The following PTPRR variants were observed in gnomAD, a reference collection of about 807,000 sequenced individuals.
PTPRR encodes the protein receptor-type tyrosine-protein phosphatase R.
In PTPRR, 38 loss-of-function variants were observed where a neutral mutation model predicts 77.2. The observed-to-expected ratio is 0.49, with a 90% confidence interval of 0.38 to 0.65. The LOEUF (loss-of-function observed/expected upper bound fraction) is 0.65, where lower values mean the gene tolerates loss of function less well. Ranked by LOEUF, PTPRR falls within the 30% of genes least tolerant of loss-of-function variation. PTPRR has a pLI of 0.00. For synonymous variants in PTPRR, 299 were observed against 283.1 expected, an observed-to-expected ratio of 1.06 and a Z score of -0.57; for missense variants, 744 against 799.2, an observed-to-expected ratio of 0.93 and a Z score of 0.83.
At chr12:70,733,483 A>G (rs1447710094) in intron 6 of PTPRR, among the ~76,000 whole-genome samples, 2 of 62,592 alleles carry the variant, frequency 3.2e-5, no homozygotes, top group African/African-American at 1.7e-4. Flanking sequence ...AAAAAAAAAG[A>G]AAAAAAAAGA....
chr12:70,906,230 C>T (rs925902442), intron 1 of PTPRR, among the ~76,000 whole-genome samples: 2 of 151,896 alleles, frequency 1.3e-5, no homozygotes, highest in African/African-American at 4.8e-5. Flanking sequence ...GTCTTCTCAT[C>T]AGAAAATGTA....
chr12:70,920,386 C>T lies in PTPRR; in HGVS notation c.5G>A (p.Arg2Gln), dbSNP rs764757404. ...CAGCGCAGGGAAGCAGACTGCTCTC[C>T]GCATAGTGTTTGCATTGAGAGGTGG... The part of the protein sequence containing the change: M[R>Q]RAVCFPALCL... The change falls in exon 1 of 14, where the codon CGG becomes CAG. Residue 2 changes from arginine to glutamine, a missense_variant. This residue lies in a region of PTPRR where 570 missense variants were observed against 573.2 expected (regional missense o/e 0.99). Transcript: ENST00000283228. The T allele has an allele frequency of 4.3e-6, 7 of 1,613,144 alleles. No homozygotes were observed. The highest frequency in any genetic ancestry group is 3.3e-5 in the Admixed American group (2 of 59,996).
At position 70,866,459 on chromosome 12, in the gene PTPRR, A is replaced by G. The variant is rs1449823887; in HGVS notation, c.357+26220T>C. ...GAAATGGATAAATTCCTCGACACAT[A>G]CACCCTCCCAAGACTAAACCAGGAA... On this transcript the variant is annotated intron_variant, in intron 2 of 13. Transcript: ENST00000283228. 2.0e-5 allele frequency among the ~76,000 whole-genome samples: 3 copies of G among 152,162 alleles called. No homozygotes were observed. The East Asian group carries it at 5.8e-4, about 29-fold the overall frequency.
At chr12:70,650,300 G>T (rs943732627) in intron 13 of PTPRR, among the ~76,000 whole-genome samples, 4 of 151,930 alleles carry the variant, frequency 2.6e-5, no homozygotes, top group East Asian at 1.9e-4. Context: ...AAAATTAGCC[G>T]GGAGTAATCC....
chr12:70,701,429 T>C, intron 6 of PTPRR, 106 bp from the exon 7 acceptor site: 2 of 960,400 alleles, frequency 2.1e-6, no homozygotes, highest in Admixed American at 5.0e-5. Context: ...TTTACAGAAA[T>C]AACAACCAAC....
chr12:70,883,245 G>A (rs1170297388), intron 2 of PTPRR, among the ~76,000 whole-genome samples: 3 of 151,994 alleles, frequency 2.0e-5, no homozygotes, highest in Non-Finnish European at 4.4e-5. Flanking sequence ...TGGGTGACAA[G>A]AACAAAACTC....
intron 2 of PTPRR, among the ~76,000 whole-genome samples, chr12:70,848,155 C>A (rs1463870423): frequency 1.3e-5 from 2 of 152,098 alleles, no homozygotes; most frequent in Non-Finnish European, 2.9e-5. Flanking sequence ...TCAGTACAGG[C>A]CTAAACGAAC....
intron 2 of PTPRR, among the ~76,000 whole-genome samples, chr12:70,868,632 T>A (rs530363105): frequency 9.2e-5 from 14 of 152,222 alleles, no homozygotes; most frequent in African/African-American, 2.9e-4. Flanking sequence ...AGTGTGGCGA[T>A]TCCTCAGGGA....
intron 8 of PTPRR, among the ~76,000 whole-genome samples, chr12:70,691,957 C>G (rs1276886546): frequency 3.3e-5 from 5 of 152,110 alleles, no homozygotes; most frequent in Admixed American, 3.3e-4. Context: ...TCCCAATTGC[C>G]CATAGCAGTA....
intron 2 of PTPRR, among the ~76,000 whole-genome samples, chr12:70,786,727 T>C (rs1306127021): frequency 6.6e-6 from 1 of 152,230 alleles, no homozygotes; most frequent in East Asian, 1.9e-4. Flanking sequence ...ATGGCTGTAA[T>C]GGGATTCTGT....
intron 11 of PTPRR, 40 bp downstream of exon 11, chr12:70,662,455 A>G: frequency 8.4e-7 from 1 of 1,192,210 alleles, no homozygotes; most frequent in Non-Finnish European, 1.2e-6. Flanking sequence ...ATCCTCTAAC[A>G]TCATCTACTT....
At chr12:70,773,941 T>C (rs2136988332) in intron 2 of PTPRR, among the ~76,000 whole-genome samples, 1 of 152,318 alleles carries the variant, frequency 6.6e-6, no homozygotes, top group African/African-American at 2.4e-5. Flanking sequence ...ATCAGGAAAG[T>C]AGCATTATAC....
chr12:70,739,293 G>T (rs1889971438), intron 6 of PTPRR, among the ~76,000 whole-genome samples: 1 of 152,108 alleles, frequency 6.6e-6, no homozygotes. Flanking sequence ...TGTATTGATT[G>T]TTAATTTTGT....
Position 70,764,673 on chromosome 12 carries a change from G to A in PTPRR, c.463C>T (p.Arg155Cys), listed in dbSNP as rs144705265. ...AAATGTGGGTATCTTACAATGAGGCGATTGATGTGCACTTGCTGGGGTAAG... is the reference window on the plus strand; with the variant it reads ...AAATGTGGGTATCTTACAATGAGGCAATTGATGTGCACTTGCTGGGGTAAG... ...GLLPQQVHINRLIGKKNSIEL... is the reference protein window; with the variant it reads ...GLLPQQVHINCLIGKKNSIEL... Residue 155 changes from arginine to cysteine, a missense_variant, in exon 3 of 14, where the codon CGC (arginine) becomes TGC (cysteine). Transcript: ENST00000283228. 4.3e-3 allele frequency: 6,876 copies of A among 1,611,368 alleles called. 21 individuals are homozygous for A. Among genetic ancestry groups the A allele is most frequent in the Non-Finnish European group, 4.8e-3 (5,700 of 1,177,484 alleles).
At chr12:70,741,758 G>A (rs1890053776) in intron 6 of PTPRR, among the ~76,000 whole-genome samples, 3 of 152,106 alleles carry the variant, frequency 2.0e-5, no homozygotes, top group South Asian at 4.1e-4. Context: ...GTGTTAGAAC[G>A]GCTGCTTTGT....
chr12:70,902,639 A>C (rs1338695815), intron 1 of PTPRR, among the ~76,000 whole-genome samples: 1 of 151,900 alleles, frequency 6.6e-6, no homozygotes, highest in African/African-American at 2.4e-5. Flanking sequence ...TCAGGAATGG[A>C]AAACCAAACA....
intron 4 of PTPRR, among the ~76,000 whole-genome samples, chr12:70,759,697 A>AAC (rs1555173436): frequency 4.0e-5 from 6 of 150,090 alleles, no homozygotes; most frequent in South Asian, 2.1e-4. Context: ...AAAAAAAAAA[A>AAC]AAAAAAAAAC....
intron 2 of PTPRR, among the ~76,000 whole-genome samples, chr12:70,871,997 T>C (rs1892965558): frequency 6.6e-6 from 1 of 152,202 alleles, no homozygotes; most frequent in African/African-American, 2.4e-5. Flanking sequence ...AGCCTGTTCT[T>C]GTAAAAACAA....
At chr12:70,658,883 GTTTTTTTT>G (rs746595856) in intron 12 of PTPRR, among the ~76,000 whole-genome samples, 12 of 36,934 alleles carry the variant, frequency 3.2e-4, no homozygotes, top group South Asian at 1.2e-3. Flanking sequence ...TTTTGCTCTA[GTTTTTTTT>G]TTTTTTTTTT....
Sources: allele counts gnomAD v4.1 joint callset (sites outside exome capture counted in the v4.1 genomes callset), GRCh38; gene constraint gnomAD v4.1.1; regional missense constraint gnomAD v4.1.1; transcripts MANE v1.5; gene names NCBI Gene and HGNC (gene_info 2026-07-23, HGNC 2026-07-21).